NNMT: variants seen among roughly 807,000 people sequenced by gnomAD.
The protein encoded by NNMT is nicotinamide N-methyltransferase.
A neutral mutation model predicts 11.7 loss-of-function variants in NNMT; 10 were observed. The ratio of observed to expected loss-of-function variants is 0.85; its 90% confidence interval spans 0.53 to 1.45. The LOEUF (loss-of-function observed/expected upper bound fraction) is 1.45. Ranked by LOEUF, NNMT falls within the 40% of genes most tolerant of loss-of-function variation. The pLI is 0.00. For missense variants in NNMT, 381 were observed against 319.4 expected (o/e 1.19, Z -1.47); for synonymous variants, 143 against 133.8 (o/e 1.07, Z -0.48).
chr11:114,292,514 C>T (rs1361044487), upstream of NNMT, among the ~76,000 whole-genome samples: 1 of 152,106 alleles, frequency 6.6e-6, no homozygotes, highest in Non-Finnish European at 1.5e-5. Flanking sequence ...GAGGTCATAG[C>T]CTGGGACGAT....
chr11:114,297,138 T>G (rs973605232), intron 1 of NNMT, among the ~76,000 whole-genome samples: 3 of 152,218 alleles, frequency 2.0e-5, no homozygotes, highest in African/African-American at 7.2e-5. Flanking sequence ...ATACTCAATT[T>G]CTTTTTTAAT....
chr11:114,304,568 C>T (rs1040386289), intron 2 of NNMT, among the ~76,000 whole-genome samples: 1 of 152,252 alleles, frequency 6.6e-6, no homozygotes, highest in Non-Finnish European at 1.5e-5. Context: ...TATCAACCTA[C>T]AACCTATTTC....
chr11:114,288,384 T>C (rs1489614900), intron 2 of NNMT, among the ~76,000 whole-genome samples: 1 of 152,190 alleles, frequency 6.6e-6, no homozygotes, highest in Non-Finnish European at 1.5e-5. Flanking sequence ...TCTTATTCTA[T>C]TTCCAGTTTG....
At chr11:114,264,206 C>T (rs569002327) in intron 2 of NNMT, among the ~76,000 whole-genome samples, 24 of 152,002 alleles carry the variant, frequency 1.6e-4, no homozygotes, top group Non-Finnish European at 2.6e-4. Context: ...TTTTAGCAAA[C>T]CTTTCCTTGA....
chr11:114,279,229 T>C (rs547801948), intron 2 of NNMT, among the ~76,000 whole-genome samples: 3 of 152,252 alleles, frequency 2.0e-5, no homozygotes, highest in Admixed American at 1.3e-4. Flanking sequence ...GTGAAGAGCT[T>C]ACAATTCACT....
chr11:114,259,198 A>G (rs1011666248), intron 1 of NNMT, among the ~76,000 whole-genome samples: 1 of 152,206 alleles, frequency 6.6e-6, no homozygotes, highest in Non-Finnish European at 1.5e-5. Context: ...TGAAAGAAAG[A>G]GAGGGAGAAG....
At chr11:114,294,068 A>G (rs1039252383), upstream of NNMT, among the ~76,000 whole-genome samples, 3 of 152,200 alleles carry the variant, frequency 2.0e-5, no homozygotes, top group Admixed American at 6.5e-5. Flanking sequence ...TCACTTATTT[A>G]TGGGAGCTAA....
chr11:114,301,638 T>C (rs934155740), intron 2 of NNMT, among the ~76,000 whole-genome samples: 11 of 151,918 alleles, frequency 7.2e-5, no homozygotes, highest in African/African-American at 2.2e-4. Context: ...AGGTGGAGTA[T>C]AGAGGATTTT....
At chr11:114,280,526 C>T (rs147185455) in intron 2 of NNMT, among the ~76,000 whole-genome samples, 248 of 152,226 alleles carry the variant, frequency 1.6e-3, no homozygotes, top group African/African-American at 5.9e-3. Flanking sequence ...CCCAGAGAAT[C>T]CCCTTATTCA....
In NNMT at chr11:114,263,257, AC is replaced by A. The variant is rs371495062; in HGVS notation, c.-130+330del. Among the ~76,000 whole-genome samples the A allele has an allele frequency of 4.9e-3, 740 of 151,618 alleles. 5 individuals are homozygous for A. Among genetic ancestry groups the A allele is most frequent in the African/African-American group, 0.016 (680 of 41,320 alleles). On this transcript the variant is annotated intron_variant, in intron 2 of 4. Transcript: ENST00000535401. ...AAAACAAGCACCAATGAAACTGAGT[AC>A]CCCCCCTGTTTCTAAGAGAAAAAAA...
At chr11:114,295,511 G>A (rs1203853461), upstream of NNMT, among the ~76,000 whole-genome samples, 5 of 130,268 alleles carry the variant, frequency 3.8e-5, no homozygotes, top group South Asian at 5.3e-4. Context: ...TGCAAGCTCC[G>A]CCCCCCGGGT....
chr11:114,278,457 TC>T (rs1945232012), intron 2 of NNMT, among the ~76,000 whole-genome samples: 2 of 152,126 alleles, frequency 1.3e-5, no homozygotes, highest in Admixed American at 1.3e-4. Flanking sequence ...TCAAGAATGT[TC>T]TCTTTGTACT....
intron 2 of NNMT, among the ~76,000 whole-genome samples, chr11:114,303,312 A>G (rs1945456696): frequency 6.6e-6 from 1 of 152,228 alleles, no homozygotes; most frequent in Admixed American, 6.5e-5. Context: ...GAGGAATTTA[A>G]CAATTTTTGA....
intron 2 of NNMT, among the ~76,000 whole-genome samples, chr11:114,278,100 T>A (rs1057322468): frequency 6.6e-6 from 1 of 152,220 alleles, no homozygotes; most frequent in Non-Finnish European, 1.5e-5. Flanking sequence ...AAAAGAGCTT[T>A]ATTTGGCTCA....
chr11:114,297,883 G>T (rs1468184132), intron 1 of NNMT, 68 bp from the exon 2 acceptor site: 3 of 1,328,434 alleles, frequency 2.3e-6, no homozygotes, highest in Non-Finnish European at 3.2e-6. Context: ...GGAAGACAAT[G>T]TAAATTTGAC....
rs1197569206 is a variant in NNMT at position 114,296,417 on chromosome 11, T to C, written c.-140T>C. The C allele has an allele frequency of 5.3e-6, 4 of 748,812 alleles. No homozygotes were observed. The highest frequency in any genetic ancestry group is 8.6e-6 in the Non-Finnish European group (4 of 467,334). 46.4% of individuals were successfully genotyped at this position (748,812 alleles called of 1,614,324 possible). ...CTCTGTTAGTGTTTAACCAACCATCTGTTCTAAAAGAAGGGCTGAACTGAT... is the reference window on the plus strand; with the variant it reads ...CTCTGTTAGTGTTTAACCAACCATCCGTTCTAAAAGAAGGGCTGAACTGAT... On this transcript the variant is annotated 5_prime_UTR_variant, in exon 1 of 3. Transcript: ENST00000299964.
intron 2 of NNMT, among the ~76,000 whole-genome samples, chr11:114,300,154 T>C (rs1448218061): frequency 6.6e-6 from 1 of 152,158 alleles, no homozygotes. Context: ...TGGAAACTTA[T>C]ATCATTTATT....
At chr11:114,284,240 C>G (rs1945280765) in intron 2 of NNMT, among the ~76,000 whole-genome samples, 1 of 152,204 alleles carries the variant, frequency 6.6e-6, no homozygotes, top group Admixed American at 6.5e-5. Flanking sequence ...AGCTGGCCAC[C>G]TGCCACAGCA....
chr11:114,271,393 A>C (rs1429528657), intron 2 of NNMT, among the ~76,000 whole-genome samples: 1 of 152,140 alleles, frequency 6.6e-6, no homozygotes. Flanking sequence ...CCCCAACCCC[A>C]GTGATGGGAG....
Sources: gnomAD v4.1 joint callset for allele counts (sites outside exome capture counted in the v4.1 genomes callset) on GRCh38, gnomAD v4.1.1 for gene constraint, MANE v1.5 for transcripts, NCBI Gene and HGNC (gene_info 2026-07-23, HGNC 2026-07-21) for gene names.